Variants in PLEKHA3 observed in about 807,000 individuals in gnomAD.
The protein encoded by PLEKHA3 is pleckstrin homology domain containing A3.
Under a neutral mutation model 39.2 loss-of-function variants are expected in PLEKHA3, and 19 were observed. The observed-to-expected ratio is 0.48, with a 90% CI of 0.34 to 0.71. The LOEUF (loss-of-function observed/expected upper bound fraction) is 0.71, where lower values mean the gene tolerates loss of function less well. Ranked by LOEUF, PLEKHA3 falls within the 30% of genes least tolerant of loss-of-function variation. The pLI is 0.01. For missense variants in PLEKHA3, 253 were observed against 359.5 expected (o/e 0.70, Z 2.40); for synonymous variants, 97 against 118.6 (o/e 0.82, Z 1.18).
At chr2:178,481,153 C>T (rs79504300) in intron 1 of PLEKHA3, among the ~76,000 whole-genome samples, 1,732 of 152,262 alleles carry the variant, frequency 0.011, 36 homozygotes, top group African/African-American at 0.039. Flanking sequence ...ATCCTTGCCT[C>T]CTGTAGCCTC....
In PLEKHA3 at chr2:178,503,904, A is replaced by G; in HGVS notation, c.*17A>G. The G allele has an allele frequency of 6.2e-7, 1 of 1,610,182 alleles. No homozygotes were observed. The highest frequency in any genetic ancestry group is 2.2e-5 in the East Asian group (1 of 44,738). On this transcript the variant is annotated 3_prime_UTR_variant, in exon 8 of 8. Transcript: ENST00000234453. ...TCTTCCTGAAGAAACTGAAGTGTCC[A>G]ACTTCCTCTAAGTATTGCTATGCAA...
In PLEKHA3 at chr2:178,505,540, T is replaced by C. The variant is rs185552093; in HGVS notation, c.*1653T>C. The C allele has an allele frequency of 1.3e-5, 2 of 151,490 alleles. No individual in the cohort carries two copies. The highest frequency in any genetic ancestry group is 3.9e-4 in the East Asian group (2 of 5,178). The allele number at this position is 151,490 out of a possible 1,614,324, so 9.4% of individuals were successfully genotyped here. On this transcript the variant is annotated 3_prime_UTR_variant, in exon 8 of 8. Coordinates refer to ENST00000234453, the MANE Select transcript of PLEKHA3 (RefSeq NM_019091.4). ...GTAGTAAGTTATGACGTTGAGCAGG[T>C]AATCAGGTTTTTCTTGTTTTTTTTT...
intron 3 of PLEKHA3, among the ~76,000 whole-genome samples, chr2:178,493,648 A>G (rs1009114656): frequency 1.3e-5 from 2 of 152,230 alleles, no homozygotes; most frequent in East Asian, 1.9e-4. Context: ...TCACCTAAAC[A>G]TGGCAGGCAT....
Position 178,508,855 on chromosome 2 carries a change from C to G in PLEKHA3, c.*4968C>G, listed in dbSNP as rs1256778254. On this transcript the variant is annotated 3_prime_UTR_variant, in exon 8 of 8. Coordinates refer to ENST00000234453, the MANE Select transcript of PLEKHA3 (RefSeq NM_019091.4). ...CTGTCAGTGGAGGTTGAGGGTGGGG[C>G]GTAGGCTGGCTGTGGAGAGTAGGGG... The G allele has an allele frequency of 6.5e-6, 1 of 153,760 alleles. No homozygotes were observed. The highest frequency in any genetic ancestry group is 2.4e-5 in the African/African-American group (1 of 41,426). 9.5% of individuals were successfully genotyped at this position (153,760 alleles called of 1,614,324 possible). A position where few individuals can be genotyped will look rare whatever the true frequency, so the allele number is the denominator to read the frequency against.
In PLEKHA3 at chr2:178,508,628, A is replaced by G. The variant is rs1685638593; in HGVS notation, c.*4741A>G. The G allele has an allele frequency of 6.5e-6, 1 of 153,794 alleles. No individual in the cohort carries two copies. The highest frequency in any genetic ancestry group is 1.5e-5 in the Non-Finnish European group (1 of 68,048). The allele number at this position is 153,794 out of a possible 1,614,324, so 9.5% of individuals were successfully genotyped here. A position where few individuals can be genotyped will look rare whatever the true frequency, so the allele number is the denominator to read the frequency against. On this transcript the variant is annotated 3_prime_UTR_variant, in exon 8 of 8. Coordinates refer to ENST00000234453, the MANE Select transcript of PLEKHA3 (RefSeq NM_019091.4). Reference sequence around the variant, plus strand: ...TTGGCCTTTTCTGTTGAGGTCCCCTAAATTTCAGTGGAGGTCTTCTCTTTG... The same window carrying G: ...TTGGCCTTTTCTGTTGAGGTCCCCTGAATTTCAGTGGAGGTCTTCTCTTTG...
At chr2:178,485,805 G>C (rs1406645747) in intron 2 of PLEKHA3, 48 bp downstream of exon 2, 2 of 1,402,820 alleles carry the variant, frequency 1.4e-6, no homozygotes, top group Non-Finnish European at 1.0e-6. Context: ...GATAGTCAAG[G>C]GTTCTTCAGC....
intron 1 of PLEKHA3, among the ~76,000 whole-genome samples, chr2:178,483,410 T>C (rs1685203789): frequency 6.6e-6 from 1 of 152,180 alleles, no homozygotes; most frequent in Non-Finnish European, 1.5e-5. Flanking sequence ...CTCTGTTATA[T>C]AAGTGTGTGA....
intron 7 of PLEKHA3, 74 bp downstream of exon 7, chr2:178,501,250 A>G: frequency 9.5e-7 from 1 of 1,054,180 alleles, no homozygotes; most frequent in Non-Finnish European, 1.4e-6. Context: ...AATTTCTGGA[A>G]ATGAAGTATA....
rs1685684335 is a variant in PLEKHA3, at chr2:178,511,474, A to G, written c.*7587A>G. On this transcript the variant is annotated 3_prime_UTR_variant, in exon 8 of 8. Coordinates refer to ENST00000234453, the MANE Select transcript of PLEKHA3 (RefSeq NM_019091.4). Reference sequence around the variant, plus strand: ...CTGCAACCTCCACCTCCGGGGCTCAAGCAATTCTCGTGACTCAACATCCCA... The same window carrying G: ...CTGCAACCTCCACCTCCGGGGCTCAGGCAATTCTCGTGACTCAACATCCCA... 1 of 152,004 alleles carries G rather than the reference A, an allele frequency of 6.6e-6. No individual in the cohort carries two copies. The highest frequency in any genetic ancestry group is 2.4e-5 in the African/African-American group (1 of 41,356). 9.4% of individuals were successfully genotyped at this position (152,004 alleles called of 1,614,324 possible). A position where few individuals can be genotyped will look rare whatever the true frequency, so the allele number is the denominator to read the frequency against.
chr2:178,485,289 A>C (rs1158540333), intron 1 of PLEKHA3, among the ~76,000 whole-genome samples: 1 of 152,160 alleles, frequency 6.6e-6, no homozygotes, highest in East Asian at 1.9e-4. Context: ...TAATATCGTA[A>C]CCCCAACTCT....
intron 1 of PLEKHA3, among the ~76,000 whole-genome samples, chr2:178,485,122 G>A (rs1237931114): frequency 6.6e-6 from 1 of 152,224 alleles, no homozygotes; most frequent in East Asian, 1.9e-4. Context: ...GGGCTAGGTG[G>A]CACCTGAGAG....
chr2:178,486,860 G>A (rs563559894), intron 2 of PLEKHA3, among the ~76,000 whole-genome samples: 13 of 152,324 alleles, frequency 8.5e-5, no homozygotes, highest in African/African-American at 3.1e-4. Context: ...ACATATGTGT[G>A]CATTTCTGTT....
At chr2:178,485,891 GGAGTGGCA>G in intron 2 of PLEKHA3, 134 bp downstream of exon 2, 1 of 591,396 alleles carries the variant, frequency 1.7e-6, no homozygotes, top group Non-Finnish European at 3.0e-6. Flanking sequence ...TTAGCAGTCA[GGAGTGGCA>G]TTTCATCACA....
chr2:178,492,712 A>G (rs1287539139), intron 3 of PLEKHA3, among the ~76,000 whole-genome samples: 1 of 151,860 alleles, frequency 6.6e-6, no homozygotes, highest in African/African-American at 2.4e-5. Flanking sequence ...TCATACTTAT[A>G]CAGACAGAAA....
At chr2:178,486,449 G>A (rs1028207007) in intron 2 of PLEKHA3, among the ~76,000 whole-genome samples, 4 of 152,142 alleles carry the variant, frequency 2.6e-5, no homozygotes, top group African/African-American at 7.2e-5. Context: ...CTTCCTGGTC[G>A]TTTTCATTTC....
chr2:178,490,540 A>G (rs1685327834), intron 2 of PLEKHA3, 119 bp from the exon 3 acceptor site: 1 of 1,045,546 alleles, frequency 9.6e-7, no homozygotes, highest in East Asian at 2.7e-5. Context: ...TGCATCATGA[A>G]TGATAGTTCA....
At chr2:178,489,003 G>T (rs1685302541) in intron 2 of PLEKHA3, 2 of 449,180 alleles carry the variant, frequency 4.5e-6, no homozygotes, top group South Asian at 3.4e-5. Flanking sequence ...TTGATTGGAT[G>T]CATAAATTCT....
In PLEKHA3 at chr2:178,515,017, T is replaced by G. The variant is rs1444896171; in HGVS notation, c.*11130T>G. 1 of 151,774 alleles carries G rather than the reference T, an allele frequency of 6.6e-6. No homozygotes were observed. The highest frequency in any genetic ancestry group is 1.5e-5 in the Non-Finnish European group (1 of 67,982). The allele number at this position is 151,774 out of a possible 1,614,324, so 9.4% of individuals were successfully genotyped here. A position where few individuals can be genotyped will look rare whatever the true frequency, so the allele number is the denominator to read the frequency against. ...AAGCTATATACCGATGACTTACCAA[T>G]TTTTGGTCTTATAACATTCTCTCTC... On this transcript the variant is annotated 3_prime_UTR_variant, in exon 8 of 8. Transcript: ENST00000234453.
intron 2 of PLEKHA3, among the ~76,000 whole-genome samples, chr2:178,488,219 T>C (rs369578976): frequency 1.3e-5 from 2 of 152,220 alleles, no homozygotes; most frequent in African/African-American, 4.8e-5. Context: ...TATGTAGGAG[T>C]TCTTTGTATA....
Sources: allele counts gnomAD v4.1 joint callset (sites outside exome capture counted in the v4.1 genomes callset), GRCh38; gene constraint gnomAD v4.1.1; transcripts MANE v1.5; gene names NCBI Gene and HGNC (gene_info 2026-07-23, HGNC 2026-07-21).